C6orf132: variants seen among roughly 807,000 people sequenced by gnomAD.
C6orf132 encodes chromosome 6 open reading frame 132, also known as uncharacterized protein C6orf132.
In C6orf132, 43 loss-of-function variants were observed where a neutral mutation model predicts 65.3. The ratio of observed to expected loss-of-function variants is 0.66; its 90% CI spans 0.52 to 0.85. C6orf132 has a LOEUF of 0.85. C6orf132 is among the 40% of genes least tolerant of loss of function. The pLI is 0.00. For synonymous variants in C6orf132, 631 were observed against 654.1 expected (o/e 0.96, Z 0.54); for missense variants, 1,488 against 1,548.8 (o/e 0.96, Z 0.66).
chr6:42,103,920 GT>G, intron 4 of C6orf132, 42 bp from the exon 5 acceptor site: 1 of 1,292,198 alleles, frequency 7.7e-7, no homozygotes. Flanking sequence ...TCTGCAGCTG[GT>G]TAGCCAACAC....
intron 1 of C6orf132, among the ~76,000 whole-genome samples, chr6:42,137,180 C>T (rs1272135804): frequency 1.3e-5 from 2 of 152,164 alleles, no homozygotes; most frequent in African/African-American, 4.8e-5. Flanking sequence ...GCTTTTAGTC[C>T]AGAGCCTGGT....
intron 1 of C6orf132, among the ~76,000 whole-genome samples, chr6:42,131,456 A>C (rs997207042): frequency 1.3e-5 from 2 of 152,242 alleles, no homozygotes; most frequent in Non-Finnish European, 2.9e-5. Flanking sequence ...AGGCACAAGG[A>C]GGTCAAATAA....
intron 2 of C6orf132, among the ~76,000 whole-genome samples, chr6:42,122,071 GAGA>G (rs1175979744): frequency 2.0e-5 from 3 of 152,186 alleles, no homozygotes; most frequent in Non-Finnish European, 4.4e-5. Flanking sequence ...GTTTATAAAG[GAGA>G]AGGATGGTTT....
At chr6:42,130,852 T>C (rs1766841108) in intron 1 of C6orf132, among the ~76,000 whole-genome samples, 1 of 151,544 alleles carries the variant, frequency 6.6e-6, no homozygotes, top group African/African-American at 2.4e-5. Flanking sequence ...CAGGCTGTCC[T>C]CAAAAGCCTT....
In C6orf132 at chr6:42,106,762, C is replaced by T; in HGVS notation, c.1150G>A (p.Asp384Asn). ...PRLGQSQSQA[D>N]ERAGTPPPAP... ...GGAGGCGGAGTCCCAGCTCGTTCAT[C>T]TGCTTGGGACTGGGACTGGCCAAGC... is the stretch of plus-strand genomic sequence containing the variant. Residue 384 changes from aspartate to asparagine, a missense_variant, in exon 4 of 5, where the codon GAT becomes AAT. By Grantham distance (23) the Asp-to-Asn change is conservative. Transcript: ENST00000341865. 1 of 1,533,340 alleles carries T rather than the reference C, an allele frequency of 6.5e-7. No homozygotes were observed. The allele number at this position is 1,533,340 out of a possible 1,614,324, so 95.0% of individuals were successfully genotyped here. A position where few individuals can be genotyped will look rare whatever the true frequency, so the allele number is the denominator to read the frequency against.
At chr6:42,114,662 C>T (rs1309669055) in intron 2 of C6orf132, among the ~76,000 whole-genome samples, 1 of 152,174 alleles carries the variant, frequency 6.6e-6, no homozygotes, top group Non-Finnish European at 1.5e-5. Flanking sequence ...GCTGAATTTC[C>T]TAACCTGCCT....
chr6:42,126,847 C>CAA (rs35231653), intron 2 of C6orf132: 54,799 of 342,390 alleles, frequency 0.16, 2,654 homozygotes, highest in African/African-American at 0.23. Flanking sequence ...ACTCAGTCTG[C>CAA]AAAAAAAAAA....
At position 42,103,783 on chromosome 6, in the gene C6orf132, GCC is replaced by G. The variant is rs1766336894; in HGVS notation, c.3543_3544del (p.Ala1182ProfsTer13). On this transcript the variant is annotated frameshift_variant, in exon 5 of 5. Coordinates refer to ENST00000341865, the MANE Select transcript of C6orf132 (RefSeq NM_001164446.3). LOFTEE classifies it high-confidence loss of function. ...GGCTCAGGAGGTGGCTTTCCGATGGGCCCCTGAGCAGACATAGGAGATGGGAT... is the reference window on the plus strand; with the variant it reads ...GGCTCAGGAGGTGGCTTTCCGATGGGCCTGAGCAGACATAGGAGATGGGAT... The G allele has an allele frequency of 1.4e-6, 2 of 1,444,048 alleles. No individual in the cohort carries two copies. The highest frequency in any genetic ancestry group is 1.8e-6 in the Non-Finnish European group (2 of 1,099,210). 89.5% of individuals were successfully genotyped at this position (1,444,048 alleles called of 1,614,324 possible). A position where few individuals can be genotyped will look rare whatever the true frequency, so the allele number is the denominator to read the frequency against.
At position 42,103,603 on chromosome 6, in the gene C6orf132, C is replaced by A; in HGVS notation, c.*158G>T. On this transcript the variant is annotated 3_prime_UTR_variant, in exon 5 of 5. Transcript: ENST00000341865. The stretch of plus-strand genomic sequence containing the variant: ...AAGCCCACTCTCGGTCTTCCTGGGC[C>A]ACTGCTTCTCATCGTTGGTCTTTGG... The A allele has an allele frequency of 2.4e-6, 1 of 419,776 alleles. No individual in the cohort carries two copies. The highest frequency in any genetic ancestry group is 4.2e-6 in the Non-Finnish European group (1 of 240,906). 26.0% of individuals were successfully genotyped at this position (419,776 alleles called of 1,614,324 possible).
At position 42,128,536 on chromosome 6, in the gene C6orf132, G is replaced by GC. The variant is rs998177739; in HGVS notation, c.252+135dup. On this transcript the variant is annotated intron_variant, in intron 2 of 4. Coordinates refer to ENST00000341865, the MANE Select transcript of C6orf132 (RefSeq NM_001164446.3). ...GCCTCGACCATGCCTCCTTCCAGTA[G>GC]CCCCCCTTCCCGCCGGGTCAGCATC... 63 of 647,924 alleles carry GC rather than the reference G, an allele frequency of 9.7e-5. 3 individuals are homozygous for GC. In the South Asian group the frequency reaches 1.0e-3, roughly 11 times the overall value. 40.1% of individuals were successfully genotyped at this position (647,924 alleles called of 1,614,324 possible).
At chr6:42,116,365 C>G (rs1766570850) in intron 2 of C6orf132, among the ~76,000 whole-genome samples, 1 of 152,158 alleles carries the variant, frequency 6.6e-6, no homozygotes, top group South Asian at 2.1e-4. Flanking sequence ...CAAGGTCCCA[C>G]AGCGAGTTAT....
chr6:42,141,924 G>T (rs1311802813), intron 1 of C6orf132, among the ~76,000 whole-genome samples: 8 of 152,312 alleles, frequency 5.3e-5, no homozygotes, highest in African/African-American at 1.7e-4. Context: ...GAATGGGGGT[G>T]TAGCGGTGGG....
intron 1 of C6orf132, among the ~76,000 whole-genome samples, chr6:42,132,771 C>T (rs926440110): frequency 4.6e-5 from 7 of 150,926 alleles, no homozygotes; most frequent in East Asian, 1.9e-4. Context: ...GCAGGAGAAC[C>T]GCTTAAACCC....
chr6:42,116,997 C>T (rs1315522636), intron 2 of C6orf132, among the ~76,000 whole-genome samples: 1 of 152,196 alleles, frequency 6.6e-6, no homozygotes, highest in Non-Finnish European at 1.5e-5. Context: ...GATCCATTTC[C>T]ACACCTCAAG....
chr6:42,122,233 A>T (rs1766699889), intron 2 of C6orf132, among the ~76,000 whole-genome samples: 1 of 151,868 alleles, frequency 6.6e-6, no homozygotes, highest in Non-Finnish European at 1.5e-5. Context: ...GCCCTCCACC[A>T]GGTATTATGG....
intron 1 of C6orf132, among the ~76,000 whole-genome samples, chr6:42,130,955 G>A (rs545712344): frequency 7.2e-5 from 11 of 152,198 alleles, no homozygotes; most frequent in African/African-American, 1.9e-4. Flanking sequence ...GCATGATCTC[G>A]GCTCAGTGCA....
At chr6:42,132,694 A>G (rs1236789779) in intron 1 of C6orf132, among the ~76,000 whole-genome samples, 1 of 151,228 alleles carries the variant, frequency 6.6e-6, no homozygotes, top group Non-Finnish European at 1.5e-5. Flanking sequence ...CTAAAAATAC[A>G]AAAATTAGCC....
In C6orf132 at chr6:42,132,618, G is replaced by C. The variant is rs182876765; in HGVS notation, c.146-3840C>G. On this transcript the variant is annotated intron_variant, in intron 1 of 4. Transcript: ENST00000341865. ...TAATCCCAGCACTTTGGGAGGCCGA[G>C]GTGGGTGGATCATGAAGTCAGGAGT... is the stretch of plus-strand genomic sequence containing the variant. Among the ~76,000 whole-genome samples the C allele has an allele frequency of 1.9e-3, 288 of 152,118 alleles. 2 individuals are homozygous for C. Among genetic ancestry groups the C allele is most frequent in the Middle Eastern group, 6.8e-3 (2 of 294 alleles).
In C6orf132 at chr6:42,128,797, G is replaced by A. The variant is rs762946204; in HGVS notation, c.146-19C>T. The A allele has an allele frequency of 3.3e-4, 500 of 1,528,804 alleles. No homozygotes were observed. Among genetic ancestry groups the A allele is most frequent in the Non-Finnish European group, 4.2e-4 (472 of 1,126,430 alleles). 94.7% of individuals were successfully genotyped at this position (1,528,804 alleles called of 1,614,324 possible). ...ATGCCATCTAGAGAACACAAGTGAG[G>A]GGACACCATAAGCTGGAGATCCAAG... is the stretch of plus-strand genomic sequence containing the variant. On this transcript the variant is annotated intron_variant, in intron 1 of 4. Coordinates refer to ENST00000341865, the MANE Select transcript of C6orf132 (RefSeq NM_001164446.3).
Sources: gnomAD v4.1 joint callset for allele counts (sites outside exome capture counted in the v4.1 genomes callset) on GRCh38, gnomAD v4.1.1 for gene constraint, MANE v1.5 for transcripts, NCBI Gene and HGNC (gene_info 2026-07-23, HGNC 2026-07-21) for gene names.